TSNAX: variants seen among roughly 807,000 people sequenced by gnomAD.
The protein encoded by TSNAX is translin associated factor X.
A neutral mutation model predicts 33.0 loss-of-function variants in TSNAX; 12 were observed. The observed-to-expected ratio is 0.36, with a 90% CI of 0.23 to 0.59. The LOEUF is 0.59. Among genes scored for constraint, TSNAX ranks in the 20% least tolerant of loss-of-function variants. The pLI, the probability that TSNAX is intolerant of heterozygous loss-of-function variation, is 0.74. For missense variants in TSNAX, 267 were observed against 341.3 expected (o/e 0.78, Z 1.72); for synonymous variants, 110 against 117.2 (o/e 0.94, Z 0.40).
chr1:231,564,481 T>TTG lies in TSNAX; in HGVS notation c.496-29_496-28dup, dbSNP rs375928396. The TTG allele has an allele frequency of 2.0e-3, 3,043 of 1,520,128 alleles. 16 individuals are homozygous for TTG. Among genetic ancestry groups the TTG allele is most frequent in the Middle Eastern group, 0.019 (110 of 5,672 alleles). 94.2% of individuals were successfully genotyped at this position (1,520,128 alleles called of 1,614,324 possible). A position where few individuals can be genotyped will look rare whatever the true frequency, so the allele number is the denominator to read the frequency against. ...TCACTCTTTTTCACAGTGTTCTTTCTTGTGTGTGTGTGTGTGTGTTTTTGT... is the reference window on the plus strand; with the variant it reads ...TCACTCTTTTTCACAGTGTTCTTTCTTGTGTGTGTGTGTGTGTGTGTTTTTGT... On this transcript the variant is annotated intron_variant, in intron 5 of 5. Transcript: ENST00000366639.
At chr1:231,533,152 C>T (rs371913762) in intron 2 of TSNAX, among the ~76,000 whole-genome samples, 4 of 145,190 alleles carry the variant, frequency 2.8e-5, no homozygotes, top group African/African-American at 8.5e-5. Flanking sequence ...CTGCAACCTC[C>T]GCCTCCCAGG....
chr1:231,550,305 G>A (rs1176774464), intron 4 of TSNAX, among the ~76,000 whole-genome samples: 1 of 152,118 alleles, frequency 6.6e-6, no homozygotes, highest in African/African-American at 2.4e-5. Flanking sequence ...GGAGGGACTG[G>A]GGAGTTGCTT....
chr1:231,536,071 A>T (rs561022197), intron 2 of TSNAX: 1 of 152,238 alleles, frequency 6.6e-6, no homozygotes, highest in Non-Finnish European at 1.5e-5. Context: ...TGACTAACTC[A>T]ATTTTCAGCT....
chr1:231,548,183 T>C (rs972083061), intron 4 of TSNAX, among the ~76,000 whole-genome samples: 15 of 152,234 alleles, frequency 9.9e-5, no homozygotes, highest in Non-Finnish European at 1.9e-4. Context: ...CAAAAATTAA[T>C]GGCAGTAATT....
intron 4 of TSNAX, 103 bp from the exon 5 acceptor site, chr1:231,561,025 G>C (rs1243353026): frequency 8.5e-7 from 1 of 1,179,870 alleles, no homozygotes; most frequent in East Asian, 2.5e-5. Context: ...CATCCATTAA[G>C]CTTTTTTTTG....
chr1:231,557,936 A>G (rs959426613), intron 4 of TSNAX, among the ~76,000 whole-genome samples: 6 of 152,154 alleles, frequency 3.9e-5, no homozygotes, highest in African/African-American at 9.7e-5. Context: ...TATTAACCAT[A>G]TAGGGGATTA....
chr1:231,559,982 ATTATTTTTT>A (rs975365359), intron 4 of TSNAX, among the ~76,000 whole-genome samples: 2 of 144,958 alleles, frequency 1.4e-5, no homozygotes, highest in African/African-American at 5.3e-5. Context: ...TATTATTATT[ATTATTTTTT>A]TTTTTTTGCG....
chr1:231,537,195 A>T lies in TSNAX; in HGVS notation c.122-18A>T. Reference sequence around the variant, plus strand: ...TGAGTATAGAATATACATGCTTATGATCATAATGTGTTTTTAGCATTTCAG... The same window carrying T: ...TGAGTATAGAATATACATGCTTATGTTCATAATGTGTTTTTAGCATTTCAG... On this transcript the variant is annotated intron_variant, in intron 2 of 5. Transcript: ENST00000366639. The T allele has an allele frequency of 6.4e-7, 1 of 1,555,156 alleles. No homozygotes were observed. The highest frequency in any genetic ancestry group is 8.8e-7 in the Non-Finnish European group (1 of 1,131,848).
intron 4 of TSNAX, among the ~76,000 whole-genome samples, chr1:231,560,406 T>C (rs868095571): frequency 0.048 from 1,513 of 31,756 alleles, 4 homozygotes; most frequent in African/African-American, 0.057. Context: ...TTTTCTTTTC[T>C]CCCCCCCCCC....
At chr1:231,555,534 C>T (rs941646410) in intron 4 of TSNAX, among the ~76,000 whole-genome samples, 26 of 152,146 alleles carry the variant, frequency 1.7e-4, no homozygotes, top group African/African-American at 6.3e-4. Flanking sequence ...ATATGCTAAA[C>T]TGTACACTTA....
intron 4 of TSNAX, among the ~76,000 whole-genome samples, chr1:231,548,853 T>G (rs1660112033): frequency 6.6e-6 from 1 of 152,206 alleles, no homozygotes; most frequent in Non-Finnish European, 1.5e-5. Context: ...TAAGATTGTC[T>G]AAGGAGAGTG....
intron 5 of TSNAX, among the ~76,000 whole-genome samples, chr1:231,564,313 T>A (rs116549513): frequency 0.02 from 3,004 of 152,340 alleles, 123 homozygotes; most frequent in African/African-American, 0.069. Context: ...ATCTGGTTCA[T>A]TTCACTACCC....
intron 4 of TSNAX, among the ~76,000 whole-genome samples, chr1:231,558,257 C>T (rs1317710797): frequency 1.3e-5 from 2 of 152,108 alleles, no homozygotes; most frequent in Admixed American, 1.3e-4. Flanking sequence ...AAGAAGCTGT[C>T]CCCAGGCAGG....
intron 3 of TSNAX, among the ~76,000 whole-genome samples, chr1:231,537,701 A>G (rs1659271455): frequency 6.7e-6 from 1 of 149,402 alleles, no homozygotes; most frequent in African/African-American, 2.5e-5. Context: ...AGATCCCACC[A>G]CCGCACTCTA....
At chr1:231,530,847 C>T (rs1355413162) in intron 2 of TSNAX, among the ~76,000 whole-genome samples, 3 of 151,906 alleles carry the variant, frequency 2.0e-5, no homozygotes, top group Non-Finnish European at 2.9e-5. Flanking sequence ...GAGATCGCGC[C>T]TTTGCACTCC....
rs112735433 is a variant in TSNAX, at chr1:231,542,699, C to T, written c.367+88C>T. 3,742 of 1,380,418 alleles carry T rather than the reference C, an allele frequency of 2.7e-3. 93 individuals are homozygous for T. The African/African-American group carries it at 0.049, about 18-fold the overall frequency. The allele number at this position is 1,380,418 out of a possible 1,614,324, so 85.5% of individuals were successfully genotyped here. A position where few individuals can be genotyped will look rare whatever the true frequency, so the allele number is the denominator to read the frequency against. On this transcript the variant is annotated intron_variant, in intron 4 of 5. Transcript: ENST00000366639. ...TGAGTTGCATGAATTTTAAGTGACA[C>T]CTGATGAAATAATAATACTGGCTTT...
chr1:231,551,790 CAAAAAAGTAAAAAAAAAAAA>C (rs1266081618), intron 4 of TSNAX, among the ~76,000 whole-genome samples: 3 of 70,346 alleles, frequency 4.3e-5, no homozygotes, highest in African/African-American at 1.7e-4. Flanking sequence ...CCTGTCTCTA[CAAAAAAGTAAAAAAAAAAAA>C]AAAAAAGTAA....
intron 4 of TSNAX, among the ~76,000 whole-genome samples, chr1:231,545,578 T>C (rs1379326783): frequency 3.9e-5 from 6 of 152,110 alleles, no homozygotes; most frequent in African/African-American, 1.4e-4. Context: ...GTTGAAAAAT[T>C]AACAGTTTGG....
chr1:231,558,543 C>T (rs1660837058), intron 4 of TSNAX, among the ~76,000 whole-genome samples: 1 of 152,140 alleles, frequency 6.6e-6, no homozygotes, highest in Non-Finnish European at 1.5e-5. Context: ...GCTGTAGTGA[C>T]AAACATCCTT....
Sources: allele counts gnomAD v4.1 joint callset (sites outside exome capture counted in the v4.1 genomes callset), GRCh38; gene constraint gnomAD v4.1.1; transcripts MANE v1.5; gene names NCBI Gene and HGNC (gene_info 2026-07-23, HGNC 2026-07-21).